The following FAM135B variants were observed in gnomAD, a reference collection of about 807,000 sequenced individuals.
FAM135B encodes the protein family with sequence similarity 135 member B, also known as protein FAM135B.
In FAM135B, 43 loss-of-function variants were observed where a neutral mutation model predicts 127.7. The observed-to-expected ratio is 0.34, with a 90% CI of 0.26 to 0.43. The LOEUF is 0.43. FAM135B is among the 20% of genes least tolerant of loss of function. FAM135B has a pLI of 1.00. For missense variants in FAM135B, 1,558 were observed against 1,725.6 expected (o/e 0.90, Z 1.72); for synonymous variants, 670 against 665.1 (o/e 1.01, Z -0.11).
intron 7 of FAM135B, among the ~76,000 whole-genome samples, chr8:138,217,697 C>T (rs1258007035): frequency 1.3e-5 from 2 of 152,146 alleles, no homozygotes; most frequent in Middle Eastern, 3.2e-3. Context: ...TACCAAAGTG[C>T]TGGGATTACA....
intron 7 of FAM135B, among the ~76,000 whole-genome samples, chr8:138,237,945 T>G (rs1209746160): frequency 6.6e-6 from 1 of 152,198 alleles, no homozygotes; most frequent in Non-Finnish European, 1.5e-5. Context: ...ATCGAGCATG[T>G]GCCAGCTGCC....
At position 138,463,856 on chromosome 8, in the gene FAM135B, C is replaced by T. The variant is rs116073605; in HGVS notation, c.-20+32815G>A. ...GAGATTTGAAGATATAAAGAAAGGC[C>T]GACTAGTCAAGAAACCCTTTGATGG... On this transcript the variant is annotated intron_variant, in intron 1 of 19. Transcript: ENST00000395297. Among the ~76,000 whole-genome samples, 705 of 152,040 alleles carry T rather than the reference C, an allele frequency of 4.6e-3. 5 individuals carry two copies. Among genetic ancestry groups the T allele is most frequent in the African/African-American group, 0.016 (646 of 41,466 alleles).
chr8:138,193,992 C>T (rs1301223058), intron 9 of FAM135B, among the ~76,000 whole-genome samples: 1 of 152,192 alleles, frequency 6.6e-6, no homozygotes, highest in East Asian at 1.9e-4. Flanking sequence ...CCATCTAGAG[C>T]CCAGGGCCTC....
intron 3 of FAM135B, among the ~76,000 whole-genome samples, chr8:138,294,567 G>T (rs1046097553): frequency 3.3e-5 from 5 of 151,968 alleles, no homozygotes; most frequent in Non-Finnish European, 5.9e-5. Context: ...AATGGTTAAA[G>T]AAATCGCACC....
intron 15 of FAM135B, 127 bp downstream of exon 15, chr8:138,145,832 T>C: frequency 1.7e-6 from 1 of 576,844 alleles, no homozygotes; most frequent in Non-Finnish European, 3.1e-6. Flanking sequence ...TCCAAATGCC[T>C]GGCCAGCATC....
intron 9 of FAM135B, among the ~76,000 whole-genome samples, chr8:138,184,634 T>C (rs1815383663): frequency 6.6e-6 from 1 of 152,158 alleles, no homozygotes; most frequent in Non-Finnish European, 1.5e-5. Flanking sequence ...ATGCTCTGTG[T>C]GCACTGCTGC....
At position 138,267,774 on chromosome 8, in the gene FAM135B, C is replaced by T. The variant is rs572470978; in HGVS notation, c.158-1932G>A. Among the ~76,000 whole-genome samples, 4 of 152,298 alleles carry T rather than the reference C, an allele frequency of 2.6e-5. No individual in the cohort carries two copies. The South Asian group carries it at 8.3e-4, about 32-fold the overall frequency. On this transcript the variant is annotated intron_variant, in intron 3 of 19. Transcript: ENST00000395297. ...GTAAAATGCCAGGTTGTTTCCAAGG[C>T]TACTCAGATGTGCCTGCTCTAATTT...
In FAM135B at chr8:138,168,048, T is replaced by C; in HGVS notation, c.1105A>G (p.Ile369Val). ...AGGGACAGCTGGCTGTGCGTCTGTA[T>C]CCTGGGGAGCACATGGCAGGGTGAG... ...LAVLTFQENL[I>V]QTHSQLSLDI... is the part of the protein sequence containing the mutation. Residue 369 changes from isoleucine to valine, a missense_variant and splice_region_variant, in exon 12 of 20, where the codon ATA becomes GTA. Ile to Val is a conservative substitution (Grantham distance 29). Around this residue, in one of 5 missense-constraint regions of FAM135B, gnomAD observed 115 missense variants for 171.1 expected, o/e 0.67. Coordinates refer to ENST00000395297, the MANE Select transcript of FAM135B (RefSeq NM_015912.4). The C allele has an allele frequency of 6.2e-7, 1 of 1,611,444 alleles. No homozygotes were observed. The highest frequency in any genetic ancestry group is 8.5e-7 in the Non-Finnish European group (1 of 1,178,694).
chr8:138,153,222 A>C lies in FAM135B; in HGVS notation c.1259-6T>G, dbSNP rs748084660. 17 of 1,256,552 alleles carry C rather than the reference A, an allele frequency of 1.4e-5. No individual in the cohort carries two copies. The highest frequency in any genetic ancestry group is 1.7e-5 in the Non-Finnish European group (17 of 984,872). The allele number at this position is 1,256,552 out of a possible 1,614,324, so 77.8% of individuals were successfully genotyped here. ...ATAAACACTCAAGTTATGCCCTACAAAAAAAAAAGAAAGAAAATTATATTA... is the reference window on the plus strand; with the variant it reads ...ATAAACACTCAAGTTATGCCCTACACAAAAAAAAGAAAGAAAATTATATTA... On this transcript the variant is annotated splice_polypyrimidine_tract_variant and splice_region_variant and intron_variant, in intron 12 of 19. Transcript: ENST00000395297.
intron 3 of FAM135B, among the ~76,000 whole-genome samples, chr8:138,297,405 G>A (rs1248264479): frequency 6.6e-6 from 1 of 152,192 alleles, no homozygotes; most frequent in African/African-American, 2.4e-5. Flanking sequence ...CCATTTTAGA[G>A]GTGGAGCCAG....
intron 3 of FAM135B, among the ~76,000 whole-genome samples, chr8:138,276,031 G>A (rs992344903): frequency 6.6e-6 from 1 of 152,172 alleles, no homozygotes; most frequent in East Asian, 1.9e-4. Flanking sequence ...ATGTCCTCAT[G>A]ATGACCCAGA....
chr8:138,459,056 C>T (rs1409769402), intron 1 of FAM135B: 1 of 152,464 alleles, frequency 6.6e-6, no homozygotes, highest in Non-Finnish European at 1.5e-5. Flanking sequence ...ACTCCCCACC[C>T]CCAAATCAGC....
intron 4 of FAM135B, 52 bp from the exon 5 acceptor site, chr8:138,256,811 T>A (rs2130547455): frequency 7.3e-7 from 1 of 1,376,620 alleles, no homozygotes; most frequent in Non-Finnish European, 1.0e-6. Flanking sequence ...CTTGTCCAAA[T>A]GAAATACTTA....
chr8:138,405,203 CT>C (rs574185055), intron 1 of FAM135B, among the ~76,000 whole-genome samples: 67 of 145,688 alleles, frequency 4.6e-4, no homozygotes, highest in African/African-American at 1.5e-3. Context: ...TAGTAATATT[CT>C]TTTTTTTTCT....
At chr8:138,207,402 G>C (rs1377525631) in intron 7 of FAM135B, among the ~76,000 whole-genome samples, 1 of 151,968 alleles carries the variant, frequency 6.6e-6, no homozygotes, top group Non-Finnish European at 1.5e-5. Context: ...TAGAGATGGA[G>C]TTTCATCATG....
intron 3 of FAM135B, among the ~76,000 whole-genome samples, chr8:138,296,368 C>T (rs990056350): frequency 3.9e-5 from 6 of 152,330 alleles, no homozygotes; most frequent in South Asian, 2.1e-4. Context: ...GATCTTCCAA[C>T]GAACCAGCTG....
chr8:138,495,098 T>A (rs1348153472), intron 1 of FAM135B, among the ~76,000 whole-genome samples: 1 of 152,224 alleles, frequency 6.6e-6, no homozygotes, highest in African/African-American at 2.4e-5. Context: ...GATTTGCCAA[T>A]CTGAGGAAGA....
Position 138,313,663 on chromosome 8 carries a change from C to T in FAM135B, c.78-2743G>A, listed in dbSNP as rs573231588. On this transcript the variant is annotated intron_variant, in intron 2 of 19. Coordinates refer to ENST00000395297, the MANE Select transcript of FAM135B (RefSeq NM_015912.4). The stretch of plus-strand genomic sequence containing the variant: ...GGATTACAGGTGTGAGGCACTGTAC[C>T]CCGCAGATAAATTTTAGTTCATTAA... Among the ~76,000 whole-genome samples the T allele has an allele frequency of 5.4e-5, 8 of 148,874 alleles. No individual in the cohort carries two copies. In the East Asian group the frequency reaches 1.4e-3, roughly 26 times the overall value.
intron 3 of FAM135B, among the ~76,000 whole-genome samples, chr8:138,295,380 T>C (rs1825411346): frequency 6.6e-6 from 1 of 151,990 alleles, no homozygotes; most frequent in African/African-American, 2.4e-5. Context: ...AGAATATGGG[T>C]GCCGGCCTTG....
Sources: allele counts gnomAD v4.1 joint callset (sites outside exome capture counted in the v4.1 genomes callset), GRCh38; gene constraint gnomAD v4.1.1; regional missense constraint gnomAD v4.1.1; transcripts MANE v1.5; gene names NCBI Gene and HGNC (gene_info 2026-07-23, HGNC 2026-07-21).